The following ZDHHC14 variants were observed in gnomAD, a reference collection of about 807,000 sequenced individuals.
ZDHHC14 encodes the protein zDHHC palmitoyltransferase 14.
Under a neutral mutation model 47.7 loss-of-function variants are expected in ZDHHC14, and 16 were observed. The observed-to-expected ratio is 0.34, with a 90% confidence interval of 0.23 to 0.51. The LOEUF (loss-of-function observed/expected upper bound fraction) is 0.51, where lower values mean the gene tolerates loss of function less well. ZDHHC14 is among the 20% of genes least tolerant of loss of function. The probability of loss-of-function intolerance (pLI) is 0.97; values close to 1 mark genes in which losing one functional copy is unlikely to be tolerated. For synonymous variants in ZDHHC14, 293 were observed against 278.9 expected (o/e 1.05, Z -0.50); for missense variants, 515 against 662.5 (o/e 0.78, Z 2.44).
intron 1 of ZDHHC14, among the ~76,000 whole-genome samples, chr6:157,483,241 G>C (rs1232457544): frequency 1.3e-5 from 2 of 152,172 alleles, no homozygotes; most frequent in East Asian, 3.8e-4. Flanking sequence ...TGCTATCTCA[G>C]CCCTTCTTTA....
intron 1 of ZDHHC14, among the ~76,000 whole-genome samples, chr6:157,495,268 T>A (rs568125679): frequency 1.8e-4 from 27 of 150,894 alleles, no homozygotes; most frequent in South Asian, 4.2e-4. Flanking sequence ...GATTTTTTTT[T>A]AAAGCAGTCT....
intron 8 of ZDHHC14, among the ~76,000 whole-genome samples, chr6:157,664,135 C>A (rs1297544824): frequency 1.3e-5 from 2 of 152,216 alleles, no homozygotes; most frequent in Non-Finnish European, 2.9e-5. Context: ...GGATAGGTCC[C>A]TGAGGCTCTG....
chr6:157,520,971 G>A (rs535056918), intron 1 of ZDHHC14, among the ~76,000 whole-genome samples: 133 of 152,186 alleles, frequency 8.7e-4, no homozygotes, highest in African/African-American at 2.3e-3. Flanking sequence ...CACATAAAAC[G>A]AAGCTTTTAA....
At chr6:157,510,192 C>A (rs1780428581) in intron 1 of ZDHHC14, among the ~76,000 whole-genome samples, 1 of 152,078 alleles carries the variant, frequency 6.6e-6, no homozygotes, top group African/African-American at 2.4e-5. Context: ...TGCAGTGGGC[C>A]CAGATCGCGC....
chr6:157,516,159 A>G (rs147924501), intron 1 of ZDHHC14, among the ~76,000 whole-genome samples: 1,661 of 152,292 alleles, frequency 0.011, 18 homozygotes, highest in Non-Finnish European at 0.018. Flanking sequence ...AGCTATGTCT[A>G]TGTTGTTTCA....
intron 1 of ZDHHC14, among the ~76,000 whole-genome samples, chr6:157,466,874 G>GA (rs1299268614): frequency 6.6e-6 from 1 of 151,642 alleles, no homozygotes; most frequent in Non-Finnish European, 1.5e-5. Flanking sequence ...TTTTTTTCTT[G>GA]AAAAAAATGT....
intron 1 of ZDHHC14, among the ~76,000 whole-genome samples, chr6:157,457,329 C>T (rs961373216): frequency 1.3e-5 from 2 of 152,114 alleles, no homozygotes; most frequent in Non-Finnish European, 2.9e-5. Context: ...AGAAATGGAG[C>T]CCAGGAGTGG....
chr6:157,555,186 T>C (rs1782408200), intron 2 of ZDHHC14, among the ~76,000 whole-genome samples: 1 of 152,224 alleles, frequency 6.6e-6, no homozygotes, highest in African/African-American at 2.4e-5. Flanking sequence ...AAAAGGCATG[T>C]TTCTCTTAGA....
intron 1 of ZDHHC14, among the ~76,000 whole-genome samples, chr6:157,481,652 C>T (rs1779633216): frequency 6.6e-6 from 1 of 152,204 alleles, no homozygotes; most frequent in Admixed American, 6.5e-5. Flanking sequence ...TAGAAATTTA[C>T]CTGTAGTAAT....
At chr6:157,652,380 T>C (rs1777880082) in intron 7 of ZDHHC14, among the ~76,000 whole-genome samples, 2 of 152,166 alleles carry the variant, frequency 1.3e-5, no homozygotes, top group South Asian at 4.1e-4. Context: ...GATACACTTT[T>C]GTAGTTTGCA....
intron 1 of ZDHHC14, among the ~76,000 whole-genome samples, chr6:157,492,037 C>T (rs1779931753): frequency 6.6e-6 from 1 of 152,262 alleles, no homozygotes; most frequent in Non-Finnish European, 1.5e-5. Flanking sequence ...GCCTCGCCTT[C>T]ATCACAGCAC....
intron 2 of ZDHHC14, among the ~76,000 whole-genome samples, chr6:157,577,752 G>A (rs376049217): frequency 1.5e-4 from 23 of 152,296 alleles, no homozygotes; most frequent in African/African-American, 4.1e-4. Flanking sequence ...GTTTTACCAC[G>A]TTGGCCAGGA....
intron 3 of ZDHHC14, among the ~76,000 whole-genome samples, chr6:157,625,201 A>G (rs1343114981): frequency 6.6e-6 from 1 of 152,150 alleles, no homozygotes; most frequent in African/African-American, 2.4e-5. Context: ...AGATGATTTC[A>G]GATGAAGCCA....
intron 1 of ZDHHC14, among the ~76,000 whole-genome samples, chr6:157,406,092 A>C (rs1777754496): frequency 6.6e-6 from 1 of 152,154 alleles, no homozygotes; most frequent in Non-Finnish European, 1.5e-5. Flanking sequence ...TCCTAGCGGG[A>C]GAGGTAATGC....
intron 2 of ZDHHC14, among the ~76,000 whole-genome samples, chr6:157,544,748 A>C (rs1019474056): frequency 6.6e-6 from 1 of 152,210 alleles, no homozygotes; most frequent in African/African-American, 2.4e-5. Context: ...ACAATGACAA[A>C]TGCTGGTGAT....
intron 1 of ZDHHC14, among the ~76,000 whole-genome samples, chr6:157,461,515 A>G (rs1161163053): frequency 6.6e-6 from 1 of 152,146 alleles, no homozygotes; most frequent in Non-Finnish European, 1.5e-5. Context: ...CACTCATGTC[A>G]TTCCCAGAGG....
chr6:157,657,448 G>A (rs682038), intron 8 of ZDHHC14, among the ~76,000 whole-genome samples: 45,688 of 152,004 alleles, frequency 0.3, 7,600 homozygotes, highest in Non-Finnish European at 0.39. Flanking sequence ...AGGCTCACAT[G>A]CACCTGGGAG....
intron 1 of ZDHHC14, among the ~76,000 whole-genome samples, chr6:157,401,985 C>G (rs1777649768): frequency 6.7e-6 from 1 of 149,272 alleles, no homozygotes; most frequent in East Asian, 2.0e-4. Flanking sequence ...GAGGTCATAA[C>G]TGCAGTGGCG....
At chr6:157,595,990 C>T (rs1784113011) in intron 3 of ZDHHC14, among the ~76,000 whole-genome samples, 1 of 152,138 alleles carries the variant, frequency 6.6e-6, no homozygotes, top group Non-Finnish European at 1.5e-5. Context: ...CACCGCAAGC[C>T]GCGGCCTCTG....
Sources: allele counts gnomAD v4.1 joint callset (sites outside exome capture counted in the v4.1 genomes callset), GRCh38; gene constraint gnomAD v4.1.1; transcripts MANE v1.5; gene names NCBI Gene and HGNC (gene_info 2026-07-23, HGNC 2026-07-21).